The following TBCK variants were observed in gnomAD, a reference collection of about 807,000 sequenced individuals.
The protein encoded by TBCK is TBC1 domain containing kinase.
TBCK carries 99 observed loss-of-function variants against 113.4 expected under a neutral mutation model. The observed-to-expected ratio is 0.87, with a 90% confidence interval of 0.74 to 1.03. The LOEUF (loss-of-function observed/expected upper bound fraction) is 1.03, where lower values mean the gene tolerates loss of function less well. Among genes scored for constraint, TBCK ranks in the 50% least tolerant of loss-of-function variants. The probability of loss-of-function intolerance (pLI) is 0.00; values close to 1 mark genes in which losing one functional copy is unlikely to be tolerated. For missense variants in TBCK, 1,045 were observed against 1,061.3 expected (o/e 0.98, Z 0.21); for synonymous variants, 369 against 370.8 (o/e 1.00, Z 0.05).
intron 20 of TBCK, among the ~76,000 whole-genome samples, chr4:106,200,948 C>T (rs1257844091): frequency 6.6e-6 from 1 of 151,866 alleles, no homozygotes; most frequent in African/African-American, 2.4e-5. Flanking sequence ...TCCTTCCTTG[C>T]TTAATATTGG....
intron 23 of TBCK, among the ~76,000 whole-genome samples, chr4:106,160,832 T>C (rs2149706858): frequency 6.6e-6 from 1 of 152,210 alleles, no homozygotes; most frequent in South Asian, 2.1e-4. Context: ...CATAGCAGCA[T>C]TGTTTACAAT....
intron 22 of TBCK, among the ~76,000 whole-genome samples, chr4:106,180,460 T>C (rs369325907): frequency 6.6e-6 from 1 of 152,002 alleles, no homozygotes; most frequent in Non-Finnish European, 1.5e-5. Context: ...CAGGTATACA[T>C]GTGCCATGGT....
At chr4:106,100,274 T>TCATTTGTTC (rs1741397430) in intron 24 of TBCK, among the ~76,000 whole-genome samples, 1 of 98,812 alleles carries the variant, frequency 1.0e-5, no homozygotes, top group Admixed American at 9.3e-5. Context: ...AGAACATCAC[T>TCATTTGTTC]TACATATTTG....
At chr4:106,249,939 A>G (rs1761244270) in intron 7 of TBCK, among the ~76,000 whole-genome samples, 1 of 152,258 alleles carries the variant, frequency 6.6e-6, no homozygotes, top group South Asian at 2.1e-4. Context: ...AAAGTAGATT[A>G]CATAAATTTT....
intron 23 of TBCK, among the ~76,000 whole-genome samples, chr4:106,157,521 C>T (rs1034315605): frequency 1.3e-5 from 2 of 152,114 alleles, no homozygotes; most frequent in Admixed American, 1.3e-4. Context: ...GAAGTTTGGA[C>T]CACTGGGATG....
intron 12 of TBCK, among the ~76,000 whole-genome samples, chr4:106,241,834 A>G (rs941555862): frequency 3.3e-5 from 5 of 152,090 alleles, no homozygotes; most frequent in Admixed American, 2.0e-4. Flanking sequence ...ATTACTTTAA[A>G]TAAGTTACAA....
At chr4:106,114,463 G>C (rs920620512) in intron 24 of TBCK, among the ~76,000 whole-genome samples, 6 of 152,160 alleles carry the variant, frequency 3.9e-5, no homozygotes, top group African/African-American at 1.4e-4. Flanking sequence ...AAAGTGTGTT[G>C]ACTCAAAGCC....
chr4:106,229,642 T>C lies in TBCK; in HGVS notation c.1774+721A>G, dbSNP rs146901874. Among the ~76,000 whole-genome samples, 412 of 152,190 alleles carry C rather than the reference T, an allele frequency of 2.7e-3. 4 individuals are homozygous for C. Among genetic ancestry groups the C allele is most frequent in the African/African-American group, 9.4e-3 (392 of 41,566 alleles). ...CAGTACCATTTTGTTTCAGTTACTA[T>C]AGCTCTGTAGTATAATTTGAAGTCA... On this transcript the variant is annotated intron_variant, in intron 19 of 25. Transcript: ENST00000394708.
intron 25 of TBCK, among the ~76,000 whole-genome samples, chr4:106,086,788 C>T (rs531392974): frequency 7.6e-4 from 115 of 152,276 alleles, no homozygotes; most frequent in Non-Finnish European, 1.4e-3. Context: ...AGATGCAAAT[C>T]GATAAATGTA....
intron 25 of TBCK, among the ~76,000 whole-genome samples, chr4:106,089,232 T>C (rs867334931): frequency 3.9e-5 from 6 of 152,048 alleles, no homozygotes; most frequent in Admixed American, 1.3e-4. Context: ...CAGGCTCCTT[T>C]AAACCATCAA....
At chr4:106,173,995 C>A (rs1415150664) in intron 22 of TBCK, among the ~76,000 whole-genome samples, 3 of 152,034 alleles carry the variant, frequency 2.0e-5, no homozygotes, top group Admixed American at 1.3e-4. Context: ...CTATTAATTT[C>A]TTCATTGGCA....
At chr4:106,126,915 C>G (rs948631837) in intron 23 of TBCK, among the ~76,000 whole-genome samples, 2 of 152,148 alleles carry the variant, frequency 1.3e-5, no homozygotes, top group African/African-American at 4.8e-5. Flanking sequence ...CTCTAATTAA[C>G]TGAAAGAAGT....
intron 3 of TBCK, among the ~76,000 whole-genome samples, chr4:106,282,755 T>C (rs993655126): frequency 6.6e-6 from 1 of 152,154 alleles, no homozygotes; most frequent in African/African-American, 2.4e-5. Context: ...CAATTCTGCA[T>C]GGCTGGAAAG....
chr4:106,102,514 A>G (rs1295509968), intron 24 of TBCK, among the ~76,000 whole-genome samples: 2 of 152,178 alleles, frequency 1.3e-5, no homozygotes, highest in East Asian at 1.9e-4. Flanking sequence ...ATTGGTAGAC[A>G]GCTTATTTTG....
intron 5 of TBCK, among the ~76,000 whole-genome samples, chr4:106,255,981 C>G (rs886822165): frequency 6.6e-6 from 1 of 152,140 alleles, no homozygotes; most frequent in African/African-American, 2.4e-5. Flanking sequence ...TGGGGTGTCC[C>G]TATGAGCATT....
At chr4:106,192,645 T>C (rs147538265) in intron 22 of TBCK, among the ~76,000 whole-genome samples, 4 of 152,140 alleles carry the variant, frequency 2.6e-5, no homozygotes, top group Admixed American at 1.3e-4. Flanking sequence ...TTCCCACAAA[T>C]GATAAAAAAT....
intron 23 of TBCK, among the ~76,000 whole-genome samples, chr4:106,154,947 TAGTG>T (rs1748951586): frequency 1.3e-5 from 2 of 151,632 alleles, no homozygotes; most frequent in African/African-American, 4.9e-5. Context: ...GTACTATTAC[TAGTG>T]AGTTTTTTTT....
chr4:106,256,169 A>C (rs1243153101), intron 5 of TBCK, among the ~76,000 whole-genome samples: 1 of 151,864 alleles, frequency 6.6e-6, no homozygotes, highest in Non-Finnish European at 1.5e-5. Context: ...ACAAGTTCCC[A>C]CTCAGGTCCA....
At chr4:106,164,727 T>A (rs149962789) in intron 23 of TBCK, among the ~76,000 whole-genome samples, 7 of 151,900 alleles carry the variant, frequency 4.6e-5, no homozygotes, top group Non-Finnish European at 1.0e-4. Flanking sequence ...AGCACTGTGG[T>A]GTTATTTTTA....
Sources: gnomAD v4.1 joint callset for allele counts (sites outside exome capture counted in the v4.1 genomes callset) on GRCh38, gnomAD v4.1.1 for gene constraint, MANE v1.5 for transcripts, NCBI Gene and HGNC (gene_info 2026-07-23, HGNC 2026-07-21) for gene names.